PDE4B: variants seen among roughly 807,000 people sequenced by gnomAD.
PDE4B encodes the protein 3',5'-cyclic-AMP phosphodiesterase 4B.
Under a neutral mutation model 82.2 loss-of-function variants are expected in PDE4B, and 20 were observed. That is an observed-to-expected ratio of 0.24 (90% CI 0.17 to 0.35). The LOEUF (loss-of-function observed/expected upper bound fraction) is 0.35. Ranked by LOEUF, PDE4B falls within the 10% of genes least tolerant of loss-of-function variation. The pLI, the probability that PDE4B is intolerant of heterozygous loss-of-function variation, is 1.00. For synonymous variants in PDE4B, 320 were observed against 318.9 expected (o/e 1.00, Z -0.04); for missense variants, 655 against 907.2 (o/e 0.72, Z 3.57).
chr1:65,827,282 T>C (rs940453872), intron 1 of PDE4B, among the ~76,000 whole-genome samples: 1 of 151,416 alleles, frequency 6.6e-6, no homozygotes, highest in Non-Finnish European at 1.5e-5. Flanking sequence ...CAAAAAAAAG[T>C]CATTTGAAAA....
chr1:66,187,444 C>T (rs1647284526), intron 3 of PDE4B, among the ~76,000 whole-genome samples: 1 of 152,120 alleles, frequency 6.6e-6, no homozygotes, highest in Non-Finnish European at 1.5e-5. Context: ...TAGAATTTGG[C>T]TGTGAATCCA....
intron 3 of PDE4B, among the ~76,000 whole-genome samples, chr1:66,227,121 T>C (rs572786046): frequency 6.0e-4 from 92 of 152,360 alleles, no homozygotes; most frequent in Non-Finnish European, 1.1e-3. Context: ...ACAGACTTAG[T>C]TGGGAAAAGA....
At chr1:65,799,752 G>A (rs1024244185) in intron 1 of PDE4B, among the ~76,000 whole-genome samples, 1 of 152,174 alleles carries the variant, frequency 6.6e-6, no homozygotes, top group Admixed American at 6.5e-5. Context: ...GTGGCAGTAG[G>A]TGAGAAGGAT....
chr1:66,239,867 A>G (rs1386873257), intron 3 of PDE4B, among the ~76,000 whole-genome samples: 1 of 152,264 alleles, frequency 6.6e-6, no homozygotes, highest in Admixed American at 6.5e-5. Context: ...AAAGGATCTC[A>G]ATCAATAAGT....
chr1:66,333,432 T>C (rs965951386), intron 8 of PDE4B, among the ~76,000 whole-genome samples: 1 of 150,750 alleles, frequency 6.6e-6, no homozygotes, highest in African/African-American at 2.5e-5. Flanking sequence ...AAATACATAT[T>C]GCTATAAAGT....
chr1:66,114,678 C>G (rs1283769755), intron 3 of PDE4B, among the ~76,000 whole-genome samples: 1 of 149,926 alleles, frequency 6.7e-6, no homozygotes, highest in Non-Finnish European at 1.5e-5. Context: ...CTGTGACACC[C>G]AGGCTGGAGT....
At chr1:65,928,061 A>G (rs1165480852) in intron 3 of PDE4B, among the ~76,000 whole-genome samples, 4 of 152,174 alleles carry the variant, frequency 2.6e-5, no homozygotes, top group African/African-American at 9.7e-5. Context: ...AGTTCCTTAA[A>G]TGTCGATCAT....
At chr1:65,981,677 T>G (rs1319732155) in intron 3 of PDE4B, among the ~76,000 whole-genome samples, 1 of 152,196 alleles carries the variant, frequency 6.6e-6, no homozygotes, top group Non-Finnish European at 1.5e-5. Flanking sequence ...TTCAGTTTCT[T>G]TATCCGTAAA....
intron 3 of PDE4B, among the ~76,000 whole-genome samples, chr1:66,045,276 G>T (rs1301890066): frequency 1.3e-5 from 2 of 150,276 alleles, no homozygotes. Flanking sequence ...ATTTTTTGTG[G>T]GTACTCCCTT....
intron 3 of PDE4B, among the ~76,000 whole-genome samples, chr1:66,086,074 A>G (rs1252115992): frequency 1.3e-5 from 2 of 152,098 alleles, no homozygotes; most frequent in African/African-American, 4.8e-5. Flanking sequence ...TGTTCTCGCT[A>G]TAGGGATTCA....
At chr1:65,904,116 A>T (rs1020968794) in intron 1 of PDE4B, among the ~76,000 whole-genome samples, 25 of 152,302 alleles carry the variant, frequency 1.6e-4, no homozygotes, top group Middle Eastern at 3.4e-3. Context: ...AAAGGAAAAA[A>T]AGTTACTTGA....
intron 3 of PDE4B, among the ~76,000 whole-genome samples, chr1:66,092,951 C>T (rs1307832576): frequency 2.0e-5 from 3 of 152,034 alleles, no homozygotes; most frequent in Non-Finnish European, 4.4e-5. Flanking sequence ...TTAGCAGAAA[C>T]AATCTAGAAA....
At chr1:66,120,108 G>A (rs1406923737) in intron 3 of PDE4B, among the ~76,000 whole-genome samples, 6 of 152,202 alleles carry the variant, frequency 3.9e-5, no homozygotes, top group South Asian at 4.2e-4. Context: ...AACAGCCTTC[G>A]GAAACGAATA....
At chr1:66,230,304 A>T (rs1651847663) in intron 3 of PDE4B, among the ~76,000 whole-genome samples, 1 of 152,212 alleles carries the variant, frequency 6.6e-6, no homozygotes, top group Admixed American at 6.5e-5. Context: ...ATTAAAGGTT[A>T]GATAAGCCAT....
chr1:65,813,472 G>C (rs900375622), intron 1 of PDE4B, among the ~76,000 whole-genome samples: 5 of 152,156 alleles, frequency 3.3e-5, no homozygotes, highest in African/African-American at 9.7e-5. Flanking sequence ...AAAGTATTTG[G>C]AAGGTGGTCT....
intron 3 of PDE4B, among the ~76,000 whole-genome samples, chr1:66,042,257 G>T (rs1358764620): frequency 1.3e-5 from 2 of 151,712 alleles, no homozygotes; most frequent in Non-Finnish European, 2.9e-5. Context: ...CCCCAAGATA[G>T]CATGTTTTCC....
At chr1:65,898,467 C>T (rs1646935134) in intron 1 of PDE4B, among the ~76,000 whole-genome samples, 1 of 151,482 alleles carries the variant, frequency 6.6e-6, no homozygotes, top group African/African-American at 2.4e-5. Context: ...AAAAACAATC[C>T]TAAAAATCAT....
intron 3 of PDE4B, among the ~76,000 whole-genome samples, chr1:65,957,782 T>C (rs1649332730): frequency 6.6e-6 from 1 of 152,110 alleles, no homozygotes; most frequent in Admixed American, 6.6e-5. Context: ...TTTGCTACTA[T>C]TGTAACTAGT....
chr1:66,162,042 G>A (rs188618429), intron 3 of PDE4B, among the ~76,000 whole-genome samples: 1 of 152,052 alleles, frequency 6.6e-6, no homozygotes, highest in African/African-American at 2.4e-5. Flanking sequence ...TAGAGTAGGT[G>A]CTCACTGAAT....
Sources: gnomAD v4.1 joint callset for allele counts (sites outside exome capture counted in the v4.1 genomes callset) on GRCh38, gnomAD v4.1.1 for gene constraint, MANE v1.5 for transcripts, NCBI Gene and HGNC (gene_info 2026-07-23, HGNC 2026-07-21) for gene names.